Variants in NKAIN2 observed in about 807,000 individuals in gnomAD.
NKAIN2 encodes sodium/potassium-transporting ATPase subunit beta-1-interacting protein 2.
NKAIN2 carries 14 observed loss-of-function variants against 32.6 expected under a neutral mutation model. The observed-to-expected ratio is 0.43, with a 90% CI of 0.28 to 0.67. The LOEUF is 0.67. Ranked by LOEUF, NKAIN2 falls within the 30% of genes least tolerant of loss-of-function variation. The probability of loss-of-function intolerance (pLI) is 0.17; values close to 1 mark genes in which losing one functional copy is unlikely to be tolerated. For synonymous variants in NKAIN2, 80 were observed against 87.2 expected (o/e 0.92, Z 0.46); for missense variants, 198 against 258.3 (o/e 0.77, Z 1.60).
chr6:124,259,917 T>A (rs1794151642), intron 1 of NKAIN2, among the ~76,000 whole-genome samples: 1 of 152,198 alleles, frequency 6.6e-6, no homozygotes, highest in Non-Finnish European at 1.5e-5. Context: ...GCCAAGGGAT[T>A]TCTGCTTTCT....
At chr6:124,091,816 C>T (rs1784436409) in intron 1 of NKAIN2, among the ~76,000 whole-genome samples, 1 of 151,986 alleles carries the variant, frequency 6.6e-6, no homozygotes, top group Non-Finnish European at 1.5e-5. Flanking sequence ...TCCACCTTTT[C>T]TACCTGGTCT....
intron 2 of NKAIN2, among the ~76,000 whole-genome samples, chr6:124,337,492 G>A (rs1029392035): frequency 1.3e-5 from 2 of 152,190 alleles, no homozygotes; most frequent in South Asian, 2.1e-4. Context: ...GGGTAAGGGA[G>A]TGAGACCCTG....
chr6:124,046,959 T>C (rs1314151711), intron 1 of NKAIN2, among the ~76,000 whole-genome samples: 1 of 152,150 alleles, frequency 6.6e-6, no homozygotes, highest in South Asian at 2.1e-4. Flanking sequence ...GTTTTTGGTT[T>C]TTGGTAAGAG....
chr6:123,811,451 A>G (rs986049439), intron 1 of NKAIN2, among the ~76,000 whole-genome samples: 6 of 122,628 alleles, frequency 4.9e-5, no homozygotes, highest in African/African-American at 7.4e-5. Context: ...GGGAGAGAGA[A>G]AGAGAGAGAG....
rs528505803 is a variant in NKAIN2, at chr6:124,362,403, G to A, written c.273+7056G>A. 1.1e-4 allele frequency among the ~76,000 whole-genome samples: 16 copies of A among 152,096 alleles called. No homozygotes were observed. In the East Asian group the frequency reaches 2.1e-3, roughly 20 times the overall value. The stretch of plus-strand genomic sequence containing the variant: ...GGTCAGTCACAATCTCTCTTCTCTC[G>A]TTTTCCTTCATAATTCATGAATTAA... On this transcript the variant is annotated intron_variant, in intron 3 of 6. Transcript: ENST00000368417.
intron 4 of NKAIN2, among the ~76,000 whole-genome samples, chr6:124,715,888 A>C (rs186866929): frequency 6.6e-6 from 1 of 152,294 alleles, no homozygotes; most frequent in Admixed American, 6.5e-5. Context: ...AATGTGGTTG[A>C]TAGAGGAGGC....
At chr6:124,788,627 C>CT (rs1174786187) in intron 4 of NKAIN2, among the ~76,000 whole-genome samples, 3 of 152,010 alleles carry the variant, frequency 2.0e-5, no homozygotes, top group African/African-American at 7.2e-5. Flanking sequence ...ACCATCAGAT[C>CT]TTTTGAGAAC....
chr6:124,724,367 T>A (rs774903820), intron 4 of NKAIN2, among the ~76,000 whole-genome samples: 81 of 152,162 alleles, frequency 5.3e-4, no homozygotes, highest in Non-Finnish European at 9.8e-4. Context: ...ATTTAAAGAA[T>A]AGCTATTATA....
chr6:123,971,348 A>G (rs942357427), intron 1 of NKAIN2, among the ~76,000 whole-genome samples: 6 of 151,444 alleles, frequency 4.0e-5, no homozygotes, highest in Non-Finnish European at 4.4e-5. Flanking sequence ...TATATAAAAT[A>G]TATTAATATA....
At chr6:123,930,359 C>A (rs1247392672) in intron 1 of NKAIN2, among the ~76,000 whole-genome samples, 1 of 151,982 alleles carries the variant, frequency 6.6e-6, no homozygotes, top group Non-Finnish European at 1.5e-5. Flanking sequence ...CTACTTTTGT[C>A]CAACTTTGCT....
chr6:124,806,139 C>T (rs544999184), intron 5 of NKAIN2, among the ~76,000 whole-genome samples: 127 of 152,108 alleles, frequency 8.3e-4, no homozygotes, highest in African/African-American at 2.7e-3. Context: ...ATACAGAGAA[C>T]ACCACAAAGA....
At chr6:124,679,704 T>C (rs913556386) in intron 4 of NKAIN2, among the ~76,000 whole-genome samples, 5 of 152,238 alleles carry the variant, frequency 3.3e-5, no homozygotes, top group African/African-American at 7.2e-5. Flanking sequence ...TAATTCATTG[T>C]ATTTTGTGGG....
intron 1 of NKAIN2, among the ~76,000 whole-genome samples, chr6:124,042,069 C>T (rs1163919940): frequency 6.6e-6 from 1 of 151,932 alleles, no homozygotes; most frequent in Admixed American, 6.6e-5. Context: ...TCTGAGAATC[C>T]CACAATGACA....
chr6:124,658,726 C>A, intron 4 of NKAIN2: 1 of 440,374 alleles, frequency 2.3e-6, no homozygotes, highest in Non-Finnish European at 4.0e-6. Flanking sequence ...CTACAGTACT[C>A]AAAATTATAA....
chr6:124,473,871 CAG>C (rs1305762783), intron 3 of NKAIN2, among the ~76,000 whole-genome samples: 1 of 152,108 alleles, frequency 6.6e-6, no homozygotes, highest in Non-Finnish European at 1.5e-5. Flanking sequence ...TAAAACAAAA[CAG>C]AAAGTCCTCA....
intron 3 of NKAIN2, among the ~76,000 whole-genome samples, chr6:124,569,483 A>C (rs916641908): frequency 3.0e-4 from 45 of 152,212 alleles, no homozygotes; most frequent in African/African-American, 1.1e-3. Context: ...TGTATCTCCC[A>C]GAATTCCCAG....
chr6:123,970,881 C>T (rs933633986), intron 1 of NKAIN2, among the ~76,000 whole-genome samples: 1 of 150,438 alleles, frequency 6.6e-6, no homozygotes, highest in Non-Finnish European at 1.5e-5. Flanking sequence ...ATCTCTGTCT[C>T]AAGAAAAAAA....
intron 4 of NKAIN2, among the ~76,000 whole-genome samples, chr6:124,741,802 G>A (rs540044122): frequency 1.3e-5 from 2 of 151,846 alleles, no homozygotes; most frequent in South Asian, 2.1e-4. Flanking sequence ...CTCATCATGG[G>A]TTTCAATGTG....
At chr6:123,926,336 A>G (rs1356111214) in intron 1 of NKAIN2, among the ~76,000 whole-genome samples, 1 of 152,126 alleles carries the variant, frequency 6.6e-6, no homozygotes, top group Non-Finnish European at 1.5e-5. Context: ...GGACACTACT[A>G]CTTGAATAAT....
Sources: allele counts gnomAD v4.1 joint callset (sites outside exome capture counted in the v4.1 genomes callset), GRCh38; gene constraint gnomAD v4.1.1; transcripts MANE v1.5; gene names NCBI Gene and HGNC (gene_info 2026-07-23, HGNC 2026-07-21).